XRCC2: variants seen among roughly 807,000 people sequenced by gnomAD.
XRCC2 encodes X-ray repair cross complementing 2.
Under a neutral mutation model 27.3 loss-of-function variants are expected in XRCC2, and 24 were observed. The ratio of observed to expected loss-of-function variants is 0.88; its 90% confidence interval spans 0.64 to 1.24. XRCC2 has a LOEUF of 1.24. Ranked by LOEUF, XRCC2 falls within the 50% of genes most tolerant of loss-of-function variation. The pLI is 0.00. For missense variants in XRCC2, 321 were observed against 325.8 expected (o/e 0.99, Z 0.11); for synonymous variants, 106 against 115.4 (o/e 0.92, Z 0.52).
chr7:152,653,184 A>G (rs753947637), intron 2 of XRCC2, among the ~76,000 whole-genome samples: 4 of 152,062 alleles, frequency 2.6e-5, no homozygotes, highest in Admixed American at 2.0e-4. Flanking sequence ...GATGCTTATT[A>G]TAAGGGAGAA....
At chr7:152,668,748 C>T (rs2098036986) in intron 1 of XRCC2, among the ~76,000 whole-genome samples, 1 of 152,188 alleles carries the variant, frequency 6.6e-6, no homozygotes, top group African/African-American at 2.4e-5. Context: ...GACAGTTTCA[C>T]TAATATTGTG....
chr7:152,664,532 C>A (rs1354430666), intron 1 of XRCC2, among the ~76,000 whole-genome samples: 1 of 152,154 alleles, frequency 6.6e-6, no homozygotes, highest in Non-Finnish European at 1.5e-5. Flanking sequence ...CTGGGACTTA[C>A]CCCAGTGCCG....
chr7:152,649,161 G>A lies in XRCC2; in HGVS notation c.324C>T (p.Ile108=). Residue 108 remains isoleucine (I), a synonymous_variant, in exon 3 of 3, where the codon ATC becomes ATT. Coordinates refer to ENST00000359321, the MANE Select transcript of XRCC2 (RefSeq NM_005431.2). The stretch of plus-strand genomic sequence containing the variant: ...AAAAAAATCTTCCCAGGCAGTATTT[G>A]ATTATTTCTTCAGAGCTTTGGGATA... ...HRLSQSSEEI[I]KYCLGRFFLV... 6.2e-7 allele frequency: 1 copy of A among 1,613,642 alleles called. No homozygotes were observed. The highest frequency in any genetic ancestry group is 8.5e-7 in the Non-Finnish European group (1 of 1,179,958).
intron 1 of XRCC2, among the ~76,000 whole-genome samples, chr7:152,669,390 A>T (rs2098037264): frequency 6.6e-6 from 1 of 152,114 alleles, no homozygotes. Flanking sequence ...TGCAAAAGAG[A>T]TAATGCTCAA....
chr7:152,665,487 C>CTTTTTTTTT (rs66692067), intron 1 of XRCC2, among the ~76,000 whole-genome samples: 11 of 84,330 alleles, frequency 1.3e-4, no homozygotes, highest in South Asian at 5.1e-4. Flanking sequence ...TAAGACAAAC[C>CTTTTTTTTT]TTTTTTTTTT....
At chr7:152,660,036 G>C (rs997926802) in intron 2 of XRCC2, among the ~76,000 whole-genome samples, 2 of 152,266 alleles carry the variant, frequency 1.3e-5, no homozygotes, top group East Asian at 3.9e-4. Context: ...AGTAAAAGAG[G>C]CCAGTCACAG....
At chr7:152,652,264 T>A (rs190129895) in intron 2 of XRCC2, among the ~76,000 whole-genome samples, 2 of 151,984 alleles carry the variant, frequency 1.3e-5, no homozygotes, top group Non-Finnish European at 1.5e-5. Context: ...ACATAGCAAC[T>A]AAACCTGTAT....
intron 1 of XRCC2, among the ~76,000 whole-genome samples, chr7:152,670,693 G>A (rs1180371071): frequency 6.6e-6 from 1 of 151,890 alleles, no homozygotes; most frequent in Non-Finnish European, 1.5e-5. Context: ...CTGTCTTCCC[G>A]GGTTCAAGCA....
intron 1 of XRCC2, among the ~76,000 whole-genome samples, chr7:152,663,373 A>AAAAAAAAAAT (rs71182011): frequency 2.8e-5 from 4 of 143,646 alleles, no homozygotes; most frequent in Admixed American, 7.1e-5. Flanking sequence ...AAAAAAAAAA[A>AAAAAAAAAAT]GACTGCTTTT....
intron 1 of XRCC2, among the ~76,000 whole-genome samples, 180 bp downstream of exon 1, chr7:152,675,861 G>A (rs927730088): frequency 3.9e-5 from 6 of 152,074 alleles, no homozygotes; most frequent in Non-Finnish European, 7.4e-5. Flanking sequence ...CGGACCCCTG[G>A]GGCCCAGGTG....
intron 2 of XRCC2, among the ~76,000 whole-genome samples, chr7:152,655,959 A>C (rs912494230): frequency 2.0e-5 from 3 of 152,180 alleles, no homozygotes; most frequent in Non-Finnish European, 2.9e-5. Context: ...CCTGGGTGAC[A>C]GAGTGAGACT....
chr7:152,645,666 G>A lies in XRCC2; in HGVS notation c.*2976C>T, dbSNP rs1178070883. 6.6e-6 allele frequency: 1 copy of A among 152,004 alleles called. No individual in the cohort carries two copies. The highest frequency in any genetic ancestry group is 2.4e-5 in the African/African-American group (1 of 41,356). The allele number at this position is 152,004 out of a possible 1,614,324, so 9.4% of individuals were successfully genotyped here. A position where few individuals can be genotyped will look rare whatever the true frequency, so the allele number is the denominator to read the frequency against. The stretch of plus-strand genomic sequence containing the variant: ...ATGTTGAATACAAGTAGTAATAGCA[G>A]GCACTCTTGTTCTTGATTTTAAAAG... On this transcript the variant is annotated 3_prime_UTR_variant, in exon 3 of 3. Transcript: ENST00000359321.
intron 1 of XRCC2, 91 bp from the exon 2 acceptor site, chr7:152,660,873 A>T: frequency 8.7e-7 from 1 of 1,154,736 alleles, no homozygotes; most frequent in South Asian, 1.5e-5. Context: ...AGTCTGTAAG[A>T]TTTCATAACT....
intron 1 of XRCC2, among the ~76,000 whole-genome samples, chr7:152,673,622 C>CT (rs1372404598): frequency 6.6e-6 from 1 of 152,090 alleles, no homozygotes; most frequent in African/African-American, 2.4e-5. Context: ...AATCCCAGCA[C>CT]TTTGGGAGGC....
chr7:152,673,195 T>A (rs1157531224), intron 1 of XRCC2, among the ~76,000 whole-genome samples: 6 of 152,146 alleles, frequency 3.9e-5, no homozygotes, highest in Non-Finnish European at 8.8e-5. Context: ...ATATATTCTT[T>A]TTTTTGAGAC....
intron 2 of XRCC2, among the ~76,000 whole-genome samples, chr7:152,653,668 C>T (rs572100357): frequency 1.3e-5 from 2 of 152,108 alleles, no homozygotes; most frequent in South Asian, 4.2e-4. Flanking sequence ...TGCTGAGTTG[C>T]CCAGGGTGGT....
chr7:152,667,035 A>G (rs1420762507), intron 1 of XRCC2, among the ~76,000 whole-genome samples: 1 of 152,184 alleles, frequency 6.6e-6, no homozygotes, highest in African/African-American at 2.4e-5. Flanking sequence ...AGACACTCCA[A>G]TTGTTTACTC....
In XRCC2 at chr7:152,647,590, C is replaced by T. The variant is rs1036825256; in HGVS notation, c.*1052G>A. On this transcript the variant is annotated 3_prime_UTR_variant, in exon 3 of 3. Transcript: ENST00000359321. Reference sequence around the variant, plus strand: ...ATTTTTGTATATGGCATAAGGAAGGCGTCCATTTTCAATCTTTTCCATATG... The same window carrying T: ...ATTTTTGTATATGGCATAAGGAAGGTGTCCATTTTCAATCTTTTCCATATG... The T allele has an allele frequency of 3.9e-5, 6 of 152,110 alleles. No homozygotes were observed. Among genetic ancestry groups the T allele is most frequent in the African/African-American group, 1.2e-4 (5 of 41,414 alleles). The allele number at this position is 152,110 out of a possible 1,614,324, so 9.4% of individuals were successfully genotyped here.
chr7:152,651,428 T>TA (rs10628183), intron 2 of XRCC2, among the ~76,000 whole-genome samples: 7 of 138,970 alleles, frequency 5.0e-5, no homozygotes, highest in East Asian at 4.3e-4. Flanking sequence ...ACTCTACAAT[T>TA]AAAAAAAAAA....
Sources: allele counts gnomAD v4.1 joint callset (sites outside exome capture counted in the v4.1 genomes callset), GRCh38; gene constraint gnomAD v4.1.1; transcripts MANE v1.5; gene names NCBI Gene and HGNC (gene_info 2026-07-23, HGNC 2026-07-21).